The following HS6ST3 variants were observed in gnomAD, a reference collection of about 807,000 sequenced individuals.
HS6ST3 encodes heparan-sulfate 6-O-sulfotransferase 3.
HS6ST3 carries 12 observed loss-of-function variants against 36.7 expected under a neutral mutation model. That is an observed-to-expected ratio of 0.33 (90% CI 0.21 to 0.53). The LOEUF is 0.53. Among genes scored for constraint, HS6ST3 ranks in the 20% least tolerant of loss-of-function variants. The pLI is 0.95. For missense variants in HS6ST3, 584 were observed against 640.9 expected (o/e 0.91, Z 0.96); for synonymous variants, 240 against 257.5 (o/e 0.93, Z 0.65).
chr13:96,281,612 A>G (rs566488038), intron 1 of HS6ST3, among the ~76,000 whole-genome samples: 1 of 152,212 alleles, frequency 6.6e-6, no homozygotes, highest in African/African-American at 2.4e-5. Flanking sequence ...ACTTGCCTGC[A>G]TTCAGAAGTA....
intron 1 of HS6ST3, among the ~76,000 whole-genome samples, chr13:96,492,988 C>T (rs568129160): frequency 6.6e-6 from 1 of 152,336 alleles, no homozygotes; most frequent in South Asian, 2.1e-4. Flanking sequence ...GCCAAGGGCA[C>T]TCTGCCAATG....
intron 1 of HS6ST3, among the ~76,000 whole-genome samples, chr13:96,329,950 C>G (rs1206895375): frequency 6.7e-6 from 1 of 150,360 alleles, no homozygotes; most frequent in Non-Finnish European, 1.5e-5. Flanking sequence ...CCTTCTTTGT[C>G]TCTTTTGATC....
At chr13:96,107,746 A>C (rs1289384785) in intron 1 of HS6ST3, among the ~76,000 whole-genome samples, 1 of 152,212 alleles carries the variant, frequency 6.6e-6, no homozygotes, top group Non-Finnish European at 1.5e-5. Flanking sequence ...ATACATTTAT[A>C]ATTTCTTACG....
At chr13:96,595,631 T>G (rs2056398813) in intron 1 of HS6ST3, among the ~76,000 whole-genome samples, 2 of 152,108 alleles carry the variant, frequency 1.3e-5, no homozygotes, top group South Asian at 4.1e-4. Flanking sequence ...TTTATAGCCC[T>G]TTATCTTTCT....
At chr13:96,312,687 C>T (rs2054947442) in intron 1 of HS6ST3, among the ~76,000 whole-genome samples, 3 of 152,072 alleles carry the variant, frequency 2.0e-5, no homozygotes, top group Non-Finnish European at 2.9e-5. Flanking sequence ...CACAGTGGCT[C>T]ATGCCTGTAA....
intron 1 of HS6ST3, among the ~76,000 whole-genome samples, chr13:96,725,612 A>G (rs1875983426): frequency 2.0e-5 from 3 of 152,054 alleles, no homozygotes; most frequent in Admixed American, 1.3e-4. Context: ...ATTTTTGCAT[A>G]GGGATATCCA....
At chr13:96,478,526 G>A (rs4460931) in intron 1 of HS6ST3, among the ~76,000 whole-genome samples, 144,948 of 152,184 alleles carry the variant, frequency 0.95, 69,212 homozygotes, top group East Asian at 1. Flanking sequence ...TCTCTAGTCT[G>A]ATTGTTTACT....
intron 1 of HS6ST3, among the ~76,000 whole-genome samples, chr13:96,367,412 G>A (rs1448306315): frequency 1.3e-5 from 2 of 152,178 alleles, no homozygotes; most frequent in African/African-American, 2.4e-5. Flanking sequence ...CAAATCTAAT[G>A]TGTATGGATT....
At chr13:96,290,156 C>T (rs1311905773) in intron 1 of HS6ST3, among the ~76,000 whole-genome samples, 1 of 150,724 alleles carries the variant, frequency 6.6e-6, no homozygotes, top group African/African-American at 2.4e-5. Context: ...CCTTAATGCT[C>T]CCCCTGATGC....
chr13:96,643,686 G>A (rs1028709941), intron 1 of HS6ST3, among the ~76,000 whole-genome samples: 1 of 151,852 alleles, frequency 6.6e-6, no homozygotes, highest in Non-Finnish European at 1.5e-5. Context: ...TGTGAGTGGA[G>A]TCTTCCAGGG....
chr13:96,493,951 A>G (rs2055959476), intron 1 of HS6ST3, among the ~76,000 whole-genome samples: 1 of 152,188 alleles, frequency 6.6e-6, no homozygotes, highest in East Asian at 1.9e-4. Context: ...TCATTATTTA[A>G]AAGCCATTAG....
chr13:96,765,131 T>TGGC (rs1877071098), intron 1 of HS6ST3, among the ~76,000 whole-genome samples: 1 of 143,220 alleles, frequency 7.0e-6, no homozygotes, highest in Non-Finnish European at 1.5e-5. Flanking sequence ...CGGACTGCAG[T>TGGC]GGCGCAATCT....
chr13:96,238,450 C>T (rs528135767), intron 1 of HS6ST3, among the ~76,000 whole-genome samples: 5 of 152,278 alleles, frequency 3.3e-5, no homozygotes, highest in African/African-American at 1.2e-4. Context: ...GCCGACAAGG[C>T]TCTTTTGTTG....
At chr13:96,756,604 C>G (rs1160835148) in intron 1 of HS6ST3, among the ~76,000 whole-genome samples, 11 of 152,144 alleles carry the variant, frequency 7.2e-5, no homozygotes, top group Admixed American at 7.2e-4. Flanking sequence ...CATACTGGAT[C>G]TTAACAAAAG....
chr13:96,533,905 T>A (rs2056145245), intron 1 of HS6ST3, among the ~76,000 whole-genome samples: 1 of 152,234 alleles, frequency 6.6e-6, no homozygotes, highest in Non-Finnish European at 1.5e-5. Context: ...CAGAAGTTTC[T>A]GTGAGAGCTG....
Position 96,091,103 on chromosome 13 carries a change from G to A in HS6ST3, c.241G>A (p.Gly81Arg), listed in dbSNP as rs1362150104. 11 of 1,361,736 alleles carry A rather than the reference G, an allele frequency of 8.1e-6. No individual in the cohort carries two copies. Among genetic ancestry groups the A allele is most frequent in the African/African-American group, 3.1e-5 (2 of 65,174 alleles). The allele number at this position is 1,361,736 out of a possible 1,614,324, so 84.4% of individuals were successfully genotyped here. A position where few individuals can be genotyped will look rare whatever the true frequency, so the allele number is the denominator to read the frequency against. Residue 81 changes from glycine to arginine, a missense_variant, in exon 1 of 2, where the codon GGA (glycine) becomes AGA (arginine). This residue lies in a region of HS6ST3 where 217 missense variants were observed against 205.4 expected (regional missense o/e 1.06). Coordinates refer to ENST00000376705, the MANE Select transcript of HS6ST3 (RefSeq NM_153456.4). ...LPPPPRGPPEGPRGAAAPEEE... is the reference protein window; with the variant it reads ...LPPPPRGPPERPRGAAAPEEE... ...CCCGCCGCCCCGGGGGCCCCCCGAG[G>A]GACCTCGGGGGGCCGCGGCGCCGGA...
chr13:96,666,212 C>G (rs1220383607), intron 1 of HS6ST3, among the ~76,000 whole-genome samples: 1 of 152,096 alleles, frequency 6.6e-6, no homozygotes, highest in Admixed American at 6.5e-5. Context: ...CTCATGAGAA[C>G]TCACTCACTA....
chr13:96,464,955 T>TGTGC, intron 1 of HS6ST3, among the ~76,000 whole-genome samples: 1 of 72,348 alleles, frequency 1.4e-5, no homozygotes, highest in East Asian at 4.5e-4. Flanking sequence ...TTCGTGTGTG[T>TGTGC]GTGTGTGTGT....
chr13:96,584,935 G>A (rs2056355186), intron 1 of HS6ST3, among the ~76,000 whole-genome samples: 2 of 152,152 alleles, frequency 1.3e-5, no homozygotes, highest in Non-Finnish European at 2.9e-5. Context: ...CATATGGAGG[G>A]GAATTGGGGA....
Sources: allele counts gnomAD v4.1 joint callset (sites outside exome capture counted in the v4.1 genomes callset), GRCh38; gene constraint gnomAD v4.1.1; regional missense constraint gnomAD v4.1.1; transcripts MANE v1.5; gene names NCBI Gene and HGNC (gene_info 2026-07-23, HGNC 2026-07-21).